NHS: variants seen among roughly 807,000 people sequenced by gnomAD.
The protein encoded by NHS is actin remodeling regulator NHS.
In NHS, 5 loss-of-function variants were observed where a neutral mutation model predicts 72.5. That is an observed-to-expected ratio of 0.07 (90% CI 0.04 to 0.14). The LOEUF is 0.14. NHS is among the 10% of genes least tolerant of loss of function. The probability of loss-of-function intolerance (pLI) is 1.00; values close to 1 mark genes in which losing one functional copy is unlikely to be tolerated. For synonymous variants in NHS, 464 were observed against 547.7 expected (o/e 0.85, Z 2.13); for missense variants, 1,072 against 1,355.7 (o/e 0.79, Z 3.29).
intron 1 of NHS, among the ~76,000 whole-genome samples, chrX:17,661,600 T>C: frequency 8.9e-6 from 1 of 111,987 alleles, no homozygotes; most frequent in Non-Finnish European, 1.9e-5. Flanking sequence ...AGAAACAGGC[T>C]AGTGGGTTCA....
At chrX:17,459,445 G>A (rs891841087) in intron 1 of NHS, among the ~76,000 whole-genome samples, 3 of 112,141 alleles carry the variant, frequency 2.7e-5, no homozygotes, top group African/African-American at 9.7e-5. Context: ...ACTCTGTGCA[G>A]ATGGTTTGGG....
Position 17,731,168 on chromosome X carries a change from T to C in NHS, c.4350-690T>C, listed in dbSNP as rs2066484274. On this transcript the variant is annotated intron_variant, in intron 8 of 8. Transcript: ENST00000676302. ...AGACAGAGTTAATAAGAAAAAGTTA[T>C]AGTCTTTCACCCCCTGGAACCAGAA... is the stretch of plus-strand genomic sequence containing the variant. Among the ~76,000 whole-genome samples the C allele has an allele frequency of 2.8e-5, 3 of 108,728 alleles. No homozygotes were observed. In the South Asian group the frequency reaches 1.2e-3, roughly 44 times the overall value. The allele number at this position is 108,728 out of a possible 115,157, so 94.4% of individuals were successfully genotyped here.
chrX:17,386,599 G>T (rs1225619047), intron 1 of NHS, among the ~76,000 whole-genome samples: 2 of 102,315 alleles, frequency 2.0e-5, no homozygotes. Flanking sequence ...GGAGGCGGAG[G>T]TTGCAGTGAG....
chrX:17,444,872 T>TC (rs2146884707), intron 1 of NHS, among the ~76,000 whole-genome samples: 1 of 109,223 alleles, frequency 9.2e-6, no homozygotes, highest in East Asian at 2.9e-4. Flanking sequence ...TCTTATGCAT[T>TC]TTTTTTTTTC....
chrX:17,417,091 TACAC>T (rs753132773), intron 1 of NHS, among the ~76,000 whole-genome samples: 237 of 98,008 alleles, frequency 2.4e-3, no homozygotes, highest in African/African-American at 7.6e-3. Context: ...GAAAACAGAA[TACAC>T]ACACACACAC....
At chrX:17,485,541 T>C (rs2064964068) in intron 1 of NHS, among the ~76,000 whole-genome samples, 1 of 110,930 alleles carries the variant, frequency 9.0e-6, no homozygotes, top group Non-Finnish European at 1.9e-5. Flanking sequence ...CCAGGTTGGA[T>C]AATAGACTGT....
At position 17,400,601 on chromosome X, in the gene NHS, A is replaced by AG. The variant is rs777260168; in HGVS notation, c.565+24279_565+24280insG. ...ACTCCATGTCAAAAAGAAAAAAAAA[A>AG]AGAGAGAGAATGAGAAGAAAACAAT... On this transcript the variant is annotated intron_variant, in intron 1 of 8. Coordinates refer to ENST00000676302, the MANE Select transcript of NHS (RefSeq NM_001291867.2). Among the ~76,000 whole-genome samples, 10 of 111,063 alleles carry AG rather than the reference A, an allele frequency of 9.0e-5. No individual in the cohort carries two copies. The East Asian group carries it at 2.2e-3, about 25-fold the overall frequency.
chrX:17,428,176 A>G (rs2064667130), intron 1 of NHS, among the ~76,000 whole-genome samples: 1 of 112,478 alleles, frequency 8.9e-6, no homozygotes, highest in Admixed American at 9.4e-5. Context: ...TTATTGTCAA[A>G]CCATCAGCCA....
intron 1 of NHS, among the ~76,000 whole-genome samples, chrX:17,585,501 C>T (rs1442873515): frequency 9.0e-6 from 1 of 111,002 alleles, no homozygotes; most frequent in East Asian, 2.8e-4. Flanking sequence ...AAGCAGGGCC[C>T]TCTGTTTGGT....
At chrX:17,453,422 T>C (rs1371165162) in intron 1 of NHS, among the ~76,000 whole-genome samples, 1 of 112,098 alleles carries the variant, frequency 8.9e-6, no homozygotes, top group African/African-American at 3.2e-5. Context: ...GCTGTACCTG[T>C]AACTTGGTCA....
intron 1 of NHS, among the ~76,000 whole-genome samples, chrX:17,521,116 CCTCT>C (rs1040700450): frequency 5.4e-5 from 6 of 111,744 alleles, no homozygotes; most frequent in African/African-American, 1.6e-4. Context: ...CCAATTTGGC[CCTCT>C]CTAAGGAGCA....
intron 3 of NHS, among the ~76,000 whole-genome samples, chrX:17,712,393 C>CATATATATATATAT (rs3074204): frequency 1.2e-5 from 1 of 81,419 alleles, no homozygotes; most frequent in African/African-American, 5.2e-5. Context: ...CACACACACA[C>CATATATATATATAT]ATATATATAT....
intron 1 of NHS, among the ~76,000 whole-genome samples, chrX:17,478,769 A>G (rs1429464530): frequency 8.9e-6 from 1 of 111,989 alleles, no homozygotes; most frequent in African/African-American, 3.2e-5. Flanking sequence ...ATTTTCTGTG[A>G]TGCTGGAAAT....
chrX:17,573,707 T>C (rs1807326172), intron 1 of NHS, among the ~76,000 whole-genome samples: 2 of 110,743 alleles, frequency 1.8e-5, no homozygotes, highest in Non-Finnish European at 3.8e-5. Flanking sequence ...CTCCATCCAG[T>C]TTTGTTCCCT....
At chrX:17,530,541 C>T (rs1261252957) in intron 1 of NHS, among the ~76,000 whole-genome samples, 1 of 111,434 alleles carries the variant, frequency 9.0e-6, no homozygotes, top group Non-Finnish European at 1.9e-5. Flanking sequence ...GTTAGAGATG[C>T]AGAATCAGGG....
chrX:17,426,256 A>G (rs1432758213), intron 1 of NHS, among the ~76,000 whole-genome samples: 3 of 112,226 alleles, frequency 2.7e-5, no homozygotes, highest in Non-Finnish European at 3.8e-5. Flanking sequence ...CTTGTGAAAC[A>G]TCTTCCAGCA....
At chrX:17,696,390 C>G (rs1219770341) in intron 3 of NHS, among the ~76,000 whole-genome samples, 1 of 111,761 alleles carries the variant, frequency 8.9e-6, no homozygotes, top group African/African-American at 3.3e-5. Context: ...TACTGAAAGT[C>G]ATTTGCCTCC....
At chrX:17,472,680 G>A (rs920291981) in intron 1 of NHS, among the ~76,000 whole-genome samples, 1 of 112,131 alleles carries the variant, frequency 8.9e-6, no homozygotes, top group African/African-American at 3.2e-5. Flanking sequence ...CCTGTGTCCA[G>A]GGGAATTTGG....
intron 1 of NHS, among the ~76,000 whole-genome samples, chrX:17,476,816 G>C (rs1170561431): frequency 8.9e-6 from 1 of 111,845 alleles, no homozygotes; most frequent in Non-Finnish European, 1.9e-5. Flanking sequence ...CTCGTGCATG[G>C]GCAGAGTGAC....
Sources: allele counts gnomAD v4.1 joint callset (sites outside exome capture counted in the v4.1 genomes callset), GRCh38; gene constraint gnomAD v4.1.1; transcripts MANE v1.5; gene names NCBI Gene and HGNC (gene_info 2026-07-23, HGNC 2026-07-21).